The following NKAIN3 variants were observed in gnomAD, a reference collection of about 807,000 sequenced individuals.
NKAIN3 encodes sodium/potassium transporting ATPase interacting 3.
Under a neutral mutation model 30.2 loss-of-function variants are expected in NKAIN3, and 25 were observed. The ratio of observed to expected loss-of-function variants is 0.83; its 90% CI spans 0.60 to 1.16. The LOEUF (loss-of-function observed/expected upper bound fraction) is 1.16, where lower values mean the gene tolerates loss of function less well. Ranked by LOEUF, NKAIN3 falls within the 50% of genes most tolerant of loss-of-function variation. NKAIN3 has a pLI of 0.00. For missense variants in NKAIN3, 225 were observed against 254.1 expected (o/e 0.89, Z 0.78); for synonymous variants, 91 against 89.6 (o/e 1.02, Z -0.09).
At chr8:62,647,616 G>A (rs1018577392) in intron 3 of NKAIN3, among the ~76,000 whole-genome samples, 20 of 152,128 alleles carry the variant, frequency 1.3e-4, no homozygotes, top group Non-Finnish European at 5.9e-5. Flanking sequence ...TTAGCAAAGT[G>A]GAGAGGAGGG....
intron 3 of NKAIN3, among the ~76,000 whole-genome samples, chr8:62,681,131 G>A (rs1813631756): frequency 6.6e-6 from 1 of 152,170 alleles, no homozygotes; most frequent in Admixed American, 6.5e-5. Context: ...AACCATTCAA[G>A]ATACTCAGTG....
chr8:62,871,823 C>T (rs1217811695), intron 4 of NKAIN3, among the ~76,000 whole-genome samples: 1 of 152,130 alleles, frequency 6.6e-6, no homozygotes, highest in Non-Finnish European at 1.5e-5. Context: ...GTGATCTGAC[C>T]AATCTAGAAT....
chr8:62,604,803 C>T (rs1227101608), intron 3 of NKAIN3, among the ~76,000 whole-genome samples: 1 of 152,104 alleles, frequency 6.6e-6, no homozygotes, highest in Non-Finnish European at 1.5e-5. Flanking sequence ...GTATAGCTTT[C>T]TGTAAAAATC....
At chr8:62,867,063 A>C (rs1282600587) in intron 4 of NKAIN3, among the ~76,000 whole-genome samples, 2 of 149,028 alleles carry the variant, frequency 1.3e-5, no homozygotes, top group African/African-American at 5.0e-5. Context: ...TTAAAAAAAA[A>C]AAAAAATTAA....
At chr8:62,314,022 T>C (rs969926227) in intron 1 of NKAIN3, among the ~76,000 whole-genome samples, 4 of 152,162 alleles carry the variant, frequency 2.6e-5, no homozygotes, top group Admixed American at 6.6e-5. Flanking sequence ...TTATTTCTCC[T>C]GATAATCATC....
At chr8:62,516,544 T>G (rs1807990087) in intron 1 of NKAIN3, among the ~76,000 whole-genome samples, 1 of 152,138 alleles carries the variant, frequency 6.6e-6, no homozygotes, top group Non-Finnish European at 1.5e-5. Context: ...GTTCTCAAAA[T>G]TGTTGTTTGG....
chr8:62,835,362 A>G (rs1586250086), intron 4 of NKAIN3, among the ~76,000 whole-genome samples: 1 of 152,186 alleles, frequency 6.6e-6, no homozygotes, highest in East Asian at 1.9e-4. Flanking sequence ...AACAAAAGAT[A>G]CTATTGACGG....
At chr8:62,434,354 A>G (rs1211002291) in intron 1 of NKAIN3, among the ~76,000 whole-genome samples, 1 of 152,146 alleles carries the variant, frequency 6.6e-6, no homozygotes, top group Admixed American at 6.5e-5. Context: ...TAATCAGGGA[A>G]CAATTCCTGG....
chr8:62,494,411 G>A (rs1807169300), intron 1 of NKAIN3, among the ~76,000 whole-genome samples: 1 of 152,150 alleles, frequency 6.6e-6, no homozygotes, highest in African/African-American at 2.4e-5. Context: ...TGTGCTGCTG[G>A]ATTTGGTCTG....
chr8:62,683,983 G>C (rs546973388), intron 3 of NKAIN3, among the ~76,000 whole-genome samples: 1 of 152,254 alleles, frequency 6.6e-6, no homozygotes, highest in South Asian at 2.1e-4. Flanking sequence ...CAGTATTAGT[G>C]CTTCCATGTG....
At position 62,981,055 on chromosome 8, in the gene NKAIN3, T is replaced by G. The variant is rs911205867; in HGVS notation, c.*15648T>G. On this transcript the variant is annotated 3_prime_UTR_variant, in exon 7 of 7. Transcript: ENST00000623646. Reference sequence around the variant, plus strand: ...TTAAATTGCATTGGTCCTGTTAATCTTTGTCAAAAAGGAAGTTTGGGCGGC... The same window carrying G: ...TTAAATTGCATTGGTCCTGTTAATCGTTGTCAAAAAGGAAGTTTGGGCGGC... The G allele has an allele frequency of 4.7e-4, 72 of 152,320 alleles. No homozygotes were observed. The highest frequency in any genetic ancestry group is 1.7e-3 in the African/African-American group (69 of 41,574). 9.4% of individuals were successfully genotyped at this position (152,320 alleles called of 1,614,324 possible).
chr8:62,426,614 T>A (rs1464025417), intron 1 of NKAIN3, among the ~76,000 whole-genome samples: 2 of 152,134 alleles, frequency 1.3e-5, no homozygotes, highest in East Asian at 1.9e-4. Context: ...GTATCTGCAG[T>A]GCTTTCCCAA....
At chr8:62,614,064 G>T (rs1811372187) in intron 3 of NKAIN3, among the ~76,000 whole-genome samples, 1 of 152,196 alleles carries the variant, frequency 6.6e-6, no homozygotes, top group South Asian at 2.1e-4. Flanking sequence ...TTTCTGGATG[G>T]TGTTGATGCT....
intron 1 of NKAIN3, among the ~76,000 whole-genome samples, chr8:62,353,751 G>A (rs949656535): frequency 4.7e-4 from 72 of 152,224 alleles, no homozygotes; most frequent in African/African-American, 1.6e-3. Flanking sequence ...TTTGTCAAAT[G>A]TGAGTAACTA....
At chr8:62,627,102 T>G (rs910017299) in intron 3 of NKAIN3, among the ~76,000 whole-genome samples, 1 of 152,114 alleles carries the variant, frequency 6.6e-6, no homozygotes, top group Non-Finnish European at 1.5e-5. Flanking sequence ...CTGGGAGATA[T>G]AATGGACAGA....
intron 1 of NKAIN3, among the ~76,000 whole-genome samples, chr8:62,501,891 G>T (rs1807466201): frequency 6.6e-6 from 1 of 152,166 alleles, no homozygotes; most frequent in Non-Finnish European, 1.5e-5. Context: ...TAAGTGATGA[G>T]TCATGCCTGG....
At chr8:62,824,349 C>T (rs1818951026) in intron 4 of NKAIN3, among the ~76,000 whole-genome samples, 1 of 152,134 alleles carries the variant, frequency 6.6e-6, no homozygotes, top group Non-Finnish European at 1.5e-5. Context: ...GCAGTATTCT[C>T]ATTGTTTCTC....
intron 1 of NKAIN3, among the ~76,000 whole-genome samples, chr8:62,340,989 A>G (rs1371924770): frequency 6.6e-6 from 1 of 152,114 alleles, no homozygotes; most frequent in Non-Finnish European, 1.5e-5. Context: ...TGTGCTGCCC[A>G]TTAAAGTACT....
intron 1 of NKAIN3, among the ~76,000 whole-genome samples, chr8:62,400,170 T>TC (rs1485320380): frequency 6.8e-6 from 1 of 147,190 alleles, no homozygotes; most frequent in African/African-American, 2.5e-5. Context: ...TTTCTTTTTT[T>TC]TTTTTTTTTT....
Sources: gnomAD v4.1 joint callset for allele counts (sites outside exome capture counted in the v4.1 genomes callset) on GRCh38, gnomAD v4.1.1 for gene constraint, MANE v1.5 for transcripts, NCBI Gene and HGNC (gene_info 2026-07-23, HGNC 2026-07-21) for gene names.